Variants in CD8B2 observed in about 807,000 individuals in gnomAD.
The protein encoded by CD8B2 is CD8B family member 2, also known as T-cell surface glycoprotein CD8 beta-2 chain.
A neutral mutation model predicts 23.7 loss-of-function variants in CD8B2; 11 were observed. That is an observed-to-expected ratio of 0.46 (90% confidence interval 0.29 to 0.77). The LOEUF (loss-of-function observed/expected upper bound fraction) is 0.77, where lower values mean the gene tolerates loss of function less well. CD8B2 is among the 30% of genes least tolerant of loss of function. CD8B2 has a pLI of 0.09. For synonymous variants in CD8B2, 90 were observed against 109.3 expected, an observed-to-expected ratio of 0.82 and a Z score of 1.10; for missense variants, 197 against 270.5, an observed-to-expected ratio of 0.73 and a Z score of 1.91.
intron 3 of CD8B2, among the ~76,000 whole-genome samples, chr2:106,500,966 T>C (rs1679394004): frequency 1.3e-5 from 2 of 152,186 alleles, no homozygotes; most frequent in Admixed American, 6.5e-5. Context: ...TTTCCCCCAC[T>C]TGACTGGCAA....
chr2:106,523,740 G>C (rs992543309), intron 5 of CD8B2, among the ~76,000 whole-genome samples: 2 of 152,136 alleles, frequency 1.3e-5, no homozygotes, highest in African/African-American at 4.8e-5. Context: ...GAGAACAGGA[G>C]GTAAGTCTCA....
intron 5 of CD8B2, chr2:106,535,303 C>T (rs578095851): frequency 2.0e-5 from 3 of 152,280 alleles, no homozygotes; most frequent in African/African-American, 7.2e-5. Flanking sequence ...TTCCAGGCTG[C>T]AGACACTCAT....
chr2:106,538,267 G>A (rs1680119795), intron 5 of CD8B2, among the ~76,000 whole-genome samples: 1 of 152,186 alleles, frequency 6.6e-6, no homozygotes, highest in Non-Finnish European at 1.5e-5. Flanking sequence ...CAGGGGCTGA[G>A]GAAGGTTTAG....
Position 106,496,176 on chromosome 2 carries a change from A to G in CD8B2, c.407A>G (p.Asp136Gly). 1 of 1,543,154 alleles carries G rather than the reference A, an allele frequency of 6.5e-7. No homozygotes were observed. The highest frequency in any genetic ancestry group is 2.0e-5 in the Admixed American group (1 of 50,222). Residue 136 changes from aspartate to glycine, a missense_variant, in exon 3 of 6, where the codon GAT becomes GGT. Transcript: ENST00000643224. The stretch of plus-strand genomic sequence containing the variant: ...GTGTCTTGCTTTCTTTCTGTAGTTG[A>G]TTTCCTTCCCACCACTGCCCAGCCC... The part of the protein sequence containing the change: ...FGKGTQLSVV[D>G]FLPTTAQPTK...
intron 1 of CD8B2, among the ~76,000 whole-genome samples, chr2:106,489,351 C>T (rs538131309): frequency 4.0e-5 from 6 of 151,444 alleles, no homozygotes; most frequent in Admixed American, 6.6e-5. Flanking sequence ...GGTCCAGGAG[C>T]GAAGTCAAAA....
chr2:106,542,039 A>G (rs937637944), intron 5 of CD8B2, among the ~76,000 whole-genome samples: 2 of 151,832 alleles, frequency 1.3e-5, no homozygotes, highest in Non-Finnish European at 2.9e-5. Flanking sequence ...CCTTCTTCCA[A>G]CTCTCCATAA....
At chr2:106,523,527 G>A (rs1679860522) in intron 5 of CD8B2, among the ~76,000 whole-genome samples, 1 of 152,080 alleles carries the variant, frequency 6.6e-6, no homozygotes, top group African/African-American at 2.4e-5. Flanking sequence ...AGCTGCAGAT[G>A]GCTAACTAGA....
Position 106,487,621 on chromosome 2 carries a change from C to T in CD8B2, c.43+152C>T, listed in dbSNP as rs374773104. Among the ~76,000 whole-genome samples the T allele has an allele frequency of 1.4e-3, 220 of 152,300 alleles. 1 individual carries two copies. Among genetic ancestry groups the T allele is most frequent in the African/African-American group, 5.1e-3 (210 of 41,582 alleles). On this transcript the variant is annotated intron_variant, in intron 1 of 5. Transcript: ENST00000643224. ...CGGGAGGCAGCTTGGCAGGCAGGGT[C>T]CCTAAGGGTGGAAATAAAATACCCC...
intron 5 of CD8B2, chr2:106,543,366 A>T (rs1351614341): frequency 2.6e-5 from 4 of 152,108 alleles, no homozygotes. Flanking sequence ...CTCTTTACAA[A>T]AAAATAAAAT....
chr2:106,540,569 CCTT>C (rs1680156644), intron 5 of CD8B2, among the ~76,000 whole-genome samples: 1 of 150,960 alleles, frequency 6.6e-6, no homozygotes, highest in African/African-American at 2.4e-5. Context: ...TCCAAATACT[CCTT>C]TTTTTTTTTT....
intron 5 of CD8B2, among the ~76,000 whole-genome samples, chr2:106,524,087 A>G (rs1573347203): frequency 6.6e-6 from 1 of 152,324 alleles, no homozygotes; most frequent in East Asian, 1.9e-4. Flanking sequence ...AGTGTCGGCC[A>G]TGTGGGGCTG....
chr2:106,540,037 G>A (rs1680148011), intron 5 of CD8B2, among the ~76,000 whole-genome samples: 1 of 152,166 alleles, frequency 6.6e-6, no homozygotes, highest in African/African-American at 2.4e-5. Flanking sequence ...TGTAGATGAA[G>A]TTAGGGTGGA....
At chr2:106,501,597 G>A (rs1158771440) in intron 3 of CD8B2, among the ~76,000 whole-genome samples, 4 of 152,056 alleles carry the variant, frequency 2.6e-5, no homozygotes, top group South Asian at 2.1e-4. Context: ...CAGGAGAATC[G>A]CTTGAACCCA....
chr2:106,492,580 T>A lies in CD8B2; in HGVS notation c.403+1347T>A, dbSNP rs1389738672. Among the ~76,000 whole-genome samples, 4 of 152,340 alleles carry A rather than the reference T, an allele frequency of 2.6e-5. No individual in the cohort carries two copies. The East Asian group carries it at 7.7e-4, about 29-fold the overall frequency. ...AAGGCATTTAGTTATGGGTGGTAAC[T>A]CTCACAGCCTGCCTCTGGCTCTAGC... On this transcript the variant is annotated intron_variant, in intron 2 of 5. Coordinates refer to ENST00000643224, the MANE Select transcript of CD8B2 (RefSeq NM_001349727.2).
At chr2:106,502,441 G>T in intron 3 of CD8B2, 33 bp from the exon 4 acceptor site, 1 of 1,309,354 alleles carries the variant, frequency 7.6e-7, no homozygotes, top group Non-Finnish European at 1.1e-6. Flanking sequence ...AAAATGTTCT[G>T]TGTTGAACAC....
At chr2:106,503,875 G>T (rs1490194986) in intron 4 of CD8B2, among the ~76,000 whole-genome samples, 1 of 152,230 alleles carries the variant, frequency 6.6e-6, no homozygotes, top group Non-Finnish European at 1.5e-5. Context: ...CTCATCCTCT[G>T]AATGCAATTG....
At chr2:106,488,212 C>T (rs1435214397) in intron 1 of CD8B2, among the ~76,000 whole-genome samples, 2 of 151,494 alleles carry the variant, frequency 1.3e-5, no homozygotes, top group African/African-American at 4.9e-5. Context: ...GCCTGCCCGC[C>T]GGGGGTTCTG....
At position 106,496,159 on chromosome 2, in the gene CD8B2, C is replaced by A; in HGVS notation, c.404-14C>A. On this transcript the variant is annotated splice_polypyrimidine_tract_variant and intron_variant, in intron 2 of 5. Transcript: ENST00000643224. ...TCACTTGGCTAAGATATGTGTCTTG[C>A]TTTCTTTCTGTAGTTGATTTCCTTC... 4 of 1,542,716 alleles carry A rather than the reference C, an allele frequency of 2.6e-6. No homozygotes were observed. The highest frequency in any genetic ancestry group is 3.5e-6 in the Non-Finnish European group (4 of 1,140,974).
chr2:106,507,148 G>C lies in CD8B2; in HGVS notation c.*208G>C. 2.1e-6 allele frequency: 3 copies of C among 1,414,404 alleles called. No individual in the cohort carries two copies. Among genetic ancestry groups the C allele is most frequent in the South Asian group, 1.6e-5 (1 of 60,646 alleles). 87.6% of individuals were successfully genotyped at this position (1,414,404 alleles called of 1,614,324 possible). Reference sequence around the variant, plus strand: ...GGTCATCGGGAATACTAGGGAGAAGGTTTCATTGCCCCCAGGGCACTTCAC... The same window carrying C: ...GGTCATCGGGAATACTAGGGAGAAGCTTTCATTGCCCCCAGGGCACTTCAC... On this transcript the variant is annotated 3_prime_UTR_variant, in exon 6 of 6. Coordinates refer to ENST00000643224, the MANE Select transcript of CD8B2 (RefSeq NM_001349727.2).
Sources: allele counts gnomAD v4.1 joint callset (sites outside exome capture counted in the v4.1 genomes callset), GRCh38; gene constraint gnomAD v4.1.1; transcripts MANE v1.5; gene names NCBI Gene and HGNC (gene_info 2026-07-23, HGNC 2026-07-21).